The following NPAS3 variants were observed in gnomAD, a reference collection of about 807,000 sequenced individuals.
NPAS3 encodes the protein neuronal PAS domain protein 3, also known as neuronal PAS domain-containing protein 3.
NPAS3 carries 14 observed loss-of-function variants against 73.1 expected under a neutral mutation model. That is an observed-to-expected ratio of 0.19 (90% CI 0.13 to 0.30). The LOEUF is 0.30. NPAS3 is among the 10% of genes least tolerant of loss of function. NPAS3 has a pLI of 1.00. For missense variants in NPAS3, 1,096 were observed against 1,250.0 expected, an observed-to-expected ratio of 0.88 and a Z score of 1.86; for synonymous variants, 620 against 541.5, an observed-to-expected ratio of 1.14 and a Z score of -2.01.
At chr14:33,196,301 T>C (rs1481283840) in intron 2 of NPAS3, among the ~76,000 whole-genome samples, 1 of 152,218 alleles carries the variant, frequency 6.6e-6, no homozygotes, top group East Asian at 1.9e-4. Context: ...ATACATACAT[T>C]AGTTGCATCC....
intron 5 of NPAS3, among the ~76,000 whole-genome samples, chr14:33,568,022 A>G (rs955238340): frequency 2.6e-5 from 4 of 152,236 alleles, no homozygotes; most frequent in African/African-American, 9.6e-5. Flanking sequence ...GTATGAATCG[A>G]AAACCTACAT....
At chr14:33,393,793 G>A (rs1453368811) in intron 4 of NPAS3, among the ~76,000 whole-genome samples, 1 of 152,122 alleles carries the variant, frequency 6.6e-6, no homozygotes, top group Admixed American at 6.6e-5. Flanking sequence ...ATAAGGTCAA[G>A]AGTTAACTAC....
At chr14:33,429,101 G>A (rs898025625) in intron 4 of NPAS3, among the ~76,000 whole-genome samples, 1 of 152,118 alleles carries the variant, frequency 6.6e-6, no homozygotes, top group Non-Finnish European at 1.5e-5. Flanking sequence ...ATATTTGTAA[G>A]GATGTCATGT....
At chr14:33,171,241 A>G (rs1260336252) in intron 2 of NPAS3, among the ~76,000 whole-genome samples, 1 of 152,222 alleles carries the variant, frequency 6.6e-6, no homozygotes, top group African/African-American at 2.4e-5. Context: ...TGTGAGCTTA[A>G]CATATTCAAT....
intron 6 of NPAS3, among the ~76,000 whole-genome samples, chr14:33,693,294 T>C (rs750123639): frequency 2.6e-5 from 4 of 152,216 alleles, no homozygotes; most frequent in Non-Finnish European, 5.9e-5. Flanking sequence ...TTATGACCAA[T>C]CCCTGTTTTT....
intron 3 of NPAS3, among the ~76,000 whole-genome samples, chr14:33,281,149 T>G (rs2041588147): frequency 6.6e-6 from 1 of 152,182 alleles, no homozygotes; most frequent in Admixed American, 6.5e-5. Context: ...TCAGTGACTT[T>G]CTGTTTCTAC....
chr14:33,630,753 G>A (rs1361129882), intron 5 of NPAS3, among the ~76,000 whole-genome samples: 2 of 152,118 alleles, frequency 1.3e-5, no homozygotes, highest in Non-Finnish European at 2.9e-5. Flanking sequence ...AGAAGGGAGG[G>A]CTTGCTGTGA....
intron 6 of NPAS3, among the ~76,000 whole-genome samples, chr14:33,717,396 C>A (rs1595493662): frequency 6.6e-6 from 1 of 152,132 alleles, no homozygotes; most frequent in African/African-American, 2.4e-5. Flanking sequence ...CAACTTCTCC[C>A]TGAAATCCTA....
Position 33,197,949 on chromosome 14 carries a change from G to T in NPAS3, c.141-17233G>T, listed in dbSNP as rs189979553. Among the ~76,000 whole-genome samples, 115 of 152,288 alleles carry T rather than the reference G, an allele frequency of 7.6e-4. 1 individual carries two copies. Among genetic ancestry groups the T allele is most frequent in the African/African-American group, 2.6e-3 (107 of 41,550 alleles). On this transcript the variant is annotated intron_variant, in intron 2 of 11. Transcript: ENST00000356141. ...ACTTTGTTCCTTCTGATGTTCGGAC[G>T]TGTTCGGAGTTTCTTCCTTGTGGTG...
At chr14:33,071,293 A>C (rs1179747723) in intron 2 of NPAS3, among the ~76,000 whole-genome samples, 2 of 152,232 alleles carry the variant, frequency 1.3e-5, no homozygotes, top group Non-Finnish European at 2.9e-5. Context: ...CTGTTCTCAA[A>C]TATTTCTAAA....
intron 2 of NPAS3, among the ~76,000 whole-genome samples, chr14:33,212,797 T>C (rs2047086191): frequency 1.3e-5 from 2 of 152,204 alleles, no homozygotes; most frequent in African/African-American, 2.4e-5. Flanking sequence ...GTATATTACA[T>C]AAGTAACAAA....
At chr14:33,176,587 C>T (rs374496180) in intron 2 of NPAS3, among the ~76,000 whole-genome samples, 6 of 152,270 alleles carry the variant, frequency 3.9e-5, no homozygotes, top group South Asian at 4.1e-4. Flanking sequence ...TTCTACTGTA[C>T]GTAAATGCCA....
intron 4 of NPAS3, among the ~76,000 whole-genome samples, chr14:33,407,351 G>C (rs1272028413): frequency 6.6e-6 from 1 of 152,102 alleles, no homozygotes; most frequent in African/African-American, 2.4e-5. Flanking sequence ...GGTACTACTT[G>C]TAAAGCTCCT....
chr14:33,599,785 G>A (rs1368183793), intron 5 of NPAS3, among the ~76,000 whole-genome samples: 1 of 152,126 alleles, frequency 6.6e-6, no homozygotes, highest in East Asian at 1.9e-4. Context: ...GCTTACTTCT[G>A]TTTTCATGCT....
chr14:33,701,621 T>G (rs540782698), intron 6 of NPAS3, among the ~76,000 whole-genome samples: 5 of 152,386 alleles, frequency 3.3e-5, no homozygotes, highest in Non-Finnish European at 7.3e-5. Flanking sequence ...ATAACAATTT[T>G]GGTTTGCTTC....
intron 4 of NPAS3, among the ~76,000 whole-genome samples, chr14:33,478,354 G>T (rs1035875496): frequency 6.6e-6 from 1 of 152,050 alleles, no homozygotes; most frequent in African/African-American, 2.4e-5. Context: ...ACAATGCAGA[G>T]GTCACAATTA....
rs35096703 is a variant in NPAS3 at position 33,798,977 on chromosome 14, CAAAAAA to C, written c.1427-744_1427-739del. On this transcript the variant is annotated intron_variant, in intron 11 of 11. Transcript: ENST00000356141. ...GCAACGTGGCAAGACCCTGTCTCTA[CAAAAAA>C]AAAAAAAAAAAATCAGCCACGTGTG... Among the ~76,000 whole-genome samples, 737 of 106,216 alleles carry C rather than the reference CAAAAAA, an allele frequency of 6.9e-3. 4 individuals are homozygous for C. Among genetic ancestry groups the C allele is most frequent in the African/African-American group, 0.025 (696 of 27,606 alleles). The allele number at this position is 106,216 out of a possible 152,430, so 69.7% of individuals were successfully genotyped here. A position where few individuals can be genotyped will look rare whatever the true frequency, so the allele number is the denominator to read the frequency against.
intron 3 of NPAS3, among the ~76,000 whole-genome samples, chr14:33,238,675 A>G (rs1008740444): frequency 6.6e-6 from 1 of 152,036 alleles, no homozygotes; most frequent in Non-Finnish European, 1.5e-5. Flanking sequence ...GTTTAATTGA[A>G]TCAAGGCTGT....
At chr14:33,343,850 A>G (rs1465359345) in intron 3 of NPAS3, among the ~76,000 whole-genome samples, 2 of 148,614 alleles carry the variant, frequency 1.3e-5, no homozygotes, top group African/African-American at 4.9e-5. Context: ...GTCAGCCAGG[A>G]CCTAGGTCTG....
Sources: allele counts gnomAD v4.1 joint callset (sites outside exome capture counted in the v4.1 genomes callset), GRCh38; gene constraint gnomAD v4.1.1; transcripts MANE v1.5; gene names NCBI Gene and HGNC (gene_info 2026-07-23, HGNC 2026-07-21).